TOP6BL: variants seen among roughly 807,000 people sequenced by gnomAD.
TOP6BL encodes the protein TOP6B like initiator of meiotic double strand breaks, also known as type 2 DNA topoisomerase 6 subunit B-like.
At chr11:66,792,483 A>G in the TOP6BL span, among the ~76,000 whole-genome samples, 1 of 152,216 alleles carries the variant, frequency 6.6e-6, no homozygotes, top group Admixed American at 6.5e-5. Context: ...GATGGATTAT[A>G]TATTACCCCA....
chr11:66,823,741 CG>C, the TOP6BL span, among the ~76,000 whole-genome samples: 1 of 152,002 alleles, frequency 6.6e-6, no homozygotes, highest in Non-Finnish European at 1.5e-5. Context: ...TGCTGAAACC[CG>C]GGAGGTGGAG....
the TOP6BL span, among the ~76,000 whole-genome samples, chr11:66,757,045 T>TG: frequency 4.7e-5 from 1 of 21,164 alleles, no homozygotes; most frequent in Non-Finnish European, 9.7e-5. Context: ...GAGGCGGCGG[T>TG]GGGGGGTGGG....
the TOP6BL span, chr11:66,762,462 A>G: frequency 3.6e-6 from 1 of 277,548 alleles, no homozygotes; most frequent in Non-Finnish European, 6.8e-6. Flanking sequence ...TACCCAGAGT[A>G]CCCTTTTTTG....
the TOP6BL span, among the ~76,000 whole-genome samples, chr11:66,785,459 T>A: frequency 6.6e-6 from 1 of 152,344 alleles, no homozygotes; most frequent in South Asian, 2.1e-4. Context: ...GGTATTAATC[T>A]TCTTTGCCTG....
the TOP6BL span, among the ~76,000 whole-genome samples, chr11:66,767,178 A>T: frequency 8.5e-4 from 129 of 152,336 alleles, no homozygotes; most frequent in African/African-American, 3.0e-3. Flanking sequence ...AATAATGCCC[A>T]TTAAGATAGA....
At chr11:66,776,079 G>A in the TOP6BL span, among the ~76,000 whole-genome samples, 6 of 149,478 alleles carry the variant, frequency 4.0e-5, no homozygotes, top group Non-Finnish European at 7.4e-5. Flanking sequence ...TTTTTTTTGA[G>A]ACAGAGTCTC....
the TOP6BL span, among the ~76,000 whole-genome samples, chr11:66,765,839 C>T: frequency 6.6e-6 from 1 of 152,150 alleles, no homozygotes; most frequent in South Asian, 2.1e-4. Context: ...TAATTAGTAA[C>T]AAAAATTACT....
the TOP6BL span, among the ~76,000 whole-genome samples, chr11:66,820,091 C>T: frequency 1.2e-4 from 18 of 151,960 alleles, no homozygotes; most frequent in Non-Finnish European, 1.8e-4. Flanking sequence ...TGTACATTAT[C>T]GCAGTTTATC....
chr11:66,768,983 G>A, the TOP6BL span, among the ~76,000 whole-genome samples: 1,217 of 152,236 alleles, frequency 8.0e-3, 20 homozygotes, highest in African/African-American at 0.027. Flanking sequence ...GGCTTAAAAT[G>A]CTTGAACTGT....
At chr11:66,799,399 A>C in the TOP6BL span, among the ~76,000 whole-genome samples, 1 of 150,468 alleles carries the variant, frequency 6.6e-6, no homozygotes, top group African/African-American at 2.5e-5. Flanking sequence ...AAAAAAAAAA[A>C]GAATGTCTTT....
At chr11:66,826,408 A>G in the TOP6BL span, among the ~76,000 whole-genome samples, 5 of 152,192 alleles carry the variant, frequency 3.3e-5, no homozygotes, top group South Asian at 4.1e-4. Flanking sequence ...TCTTGCTTAT[A>G]TAGTGGTTCA....
the TOP6BL span, chr11:66,748,307 G>A: frequency 8.4e-7 from 1 of 1,186,456 alleles, no homozygotes; most frequent in Non-Finnish European, 1.2e-6. Flanking sequence ...TAATTTAACT[G>A]GGTCATAGAG....
At chr11:66,763,032 C>G in the TOP6BL span, among the ~76,000 whole-genome samples, 22 of 152,062 alleles carry the variant, frequency 1.4e-4, no homozygotes, top group Non-Finnish European at 1.5e-5. Context: ...TATTGAGACC[C>G]CCATCTCTAC....
the TOP6BL span, among the ~76,000 whole-genome samples, chr11:66,750,190 C>G: frequency 1.4e-3 from 209 of 151,954 alleles, 2 homozygotes; most frequent in Middle Eastern, 0.034. Context: ...CATAAGGGAT[C>G]TATTTCATTT....
the TOP6BL span, among the ~76,000 whole-genome samples, chr11:66,796,687 G>A: frequency 6.6e-6 from 1 of 151,698 alleles, no homozygotes; most frequent in South Asian, 2.1e-4. Flanking sequence ...GGAGGGTGAG[G>A]TGAGAGGATT....
the TOP6BL span, among the ~76,000 whole-genome samples, chr11:66,760,308 G>A: frequency 6.6e-6 from 1 of 151,034 alleles, no homozygotes. Context: ...GCCAGGCATG[G>A]TGGTGCATAC....
chr11:66,795,142 A>AT, the TOP6BL span, among the ~76,000 whole-genome samples: 206 of 150,730 alleles, frequency 1.4e-3, 1 homozygote, highest in East Asian at 0.029. Context: ...CTCAAAAAAA[A>AT]ATATATATAT....
the TOP6BL span, among the ~76,000 whole-genome samples, chr11:66,747,180 A>G: frequency 6.6e-6 from 1 of 151,978 alleles, no homozygotes; most frequent in Admixed American, 6.6e-5. Flanking sequence ...CAGGTGATCC[A>G]CCGCCTCAAC....
the TOP6BL span, among the ~76,000 whole-genome samples, chr11:66,836,154 G>A: frequency 6.6e-6 from 1 of 152,146 alleles, no homozygotes; most frequent in African/African-American, 2.4e-5. Flanking sequence ...TCTTTTCCAT[G>A]TGCTTATTGG....
Sources: allele counts gnomAD v4.1 joint callset (sites outside exome capture counted in the v4.1 genomes callset), GRCh38; gene constraint gnomAD v4.1.1; transcripts MANE v1.5; gene names NCBI Gene and HGNC (gene_info 2026-07-23, HGNC 2026-07-21).